Variants in IGSF9 observed in about 807,000 individuals in gnomAD.
IGSF9 encodes the protein immunoglobulin superfamily member 9, also known as protein turtle homolog A.
Under a neutral mutation model 121.7 loss-of-function variants are expected in IGSF9, and 87 were observed. The observed-to-expected ratio is 0.71, with a 90% CI of 0.60 to 0.85. IGSF9 has a LOEUF of 0.85. Ranked by LOEUF, IGSF9 falls within the 40% of genes least tolerant of loss-of-function variation. The pLI, the probability that IGSF9 is intolerant of heterozygous loss-of-function variation, is 0.00. For synonymous variants in IGSF9, 640 were observed against 648.4 expected, an observed-to-expected ratio of 0.99 and a Z score of 0.20; for missense variants, 1,462 against 1,565.3, an observed-to-expected ratio of 0.93 and a Z score of 1.11.
At chr1:159,933,254 T>G (rs1557933617) in intron 9 of IGSF9, 1 of 152,694 alleles carries the variant, frequency 6.5e-6, no homozygotes, top group Non-Finnish European at 1.5e-5. Flanking sequence ...TACATTCCAC[T>G]GGGCAAGCTC....
intron 1 of IGSF9, among the ~76,000 whole-genome samples, chr1:159,944,354 G>A (rs1411123152): frequency 6.6e-6 from 1 of 152,144 alleles, no homozygotes; most frequent in African/African-American, 2.4e-5. Flanking sequence ...TCCCCCACCT[G>A]CCAGTATGGG....
At position 159,927,333 on chromosome 1, in the gene IGSF9, C is replaced by T. The variant is rs749267418; in HGVS notation, c.*12G>A. ...GTCCATATGCCTTTTCACAGCCTCA[C>T]ATCAGGGATGTTCACAGCAGAGTGG... On this transcript the variant is annotated 3_prime_UTR_variant, in exon 21 of 21. Transcript: ENST00000368094. 1.5e-5 allele frequency: 25 copies of T among 1,613,224 alleles called. No homozygotes were observed. The highest frequency in any genetic ancestry group is 2.2e-5 in the South Asian group (2 of 91,056).
rs757839323 is a variant in IGSF9 at position 159,928,983 on chromosome 1, G to A, written c.2405C>T (p.Ala802Val). ...TGGGGATCCCTGGAGCTTCAGCTTC[G>A]CCACGCTGTCAGGACTGCCTGAGCC... The part of the protein sequence containing the change: ...ALGSGSPDSV[A>V]KLKLQGSPVP... Residue 802 changes from alanine to valine, a missense_variant, in exon 19 of 21, where the codon GCG becomes GTG. This residue lies in a region of IGSF9 where 808 missense variants were observed against 815.2 expected (regional missense o/e 0.99). Coordinates refer to ENST00000368094, the MANE Select transcript of IGSF9 (RefSeq NM_001135050.2). The A allele has an allele frequency of 3.3e-6, 5 of 1,518,526 alleles. No individual in the cohort carries two copies. The East Asian group carries it at 9.2e-5, about 28-fold the overall frequency. 94.1% of individuals were successfully genotyped at this position (1,518,526 alleles called of 1,614,324 possible). A position where few individuals can be genotyped will look rare whatever the true frequency, so the allele number is the denominator to read the frequency against.
rs1459947391 is a variant in IGSF9 at position 159,932,835 on chromosome 1, C to T, written c.1105-183G>A. The T allele has an allele frequency of 3.3e-6, 2 of 604,538 alleles. No homozygotes were observed. Among genetic ancestry groups the T allele is most frequent in the Non-Finnish European group, 5.7e-6 (2 of 352,788 alleles). 37.4% of individuals were successfully genotyped at this position (604,538 alleles called of 1,614,324 possible). On this transcript the variant is annotated intron_variant, in intron 9 of 20. Coordinates refer to ENST00000368094, the MANE Select transcript of IGSF9 (RefSeq NM_001135050.2). The surrounding 1 kb of genome is among the most constrained non-coding windows in gnomAD (Gnocchi z 4.1). ...TTCCTTTCCTTCCTGCAGAGGGACC[C>T]CTCCCAATAGTGTGAGGCTGTGACT...
At position 159,930,772 on chromosome 1, in the gene IGSF9, G is replaced by T. The variant is rs1650967251; in HGVS notation, c.1733C>A (p.Thr578Asn). ...HLLVPGLQPH[T>N]QYQFSVLAQN... ...AGCTAGCACGCTGAACTGGTACTGG[G>T]TGTGGGGCTGCAGCCCTGGCACTAG... Residue 578 changes from threonine (T) to asparagine (N), a missense_variant, in exon 14 of 21, where the codon ACC (threonine) becomes AAC (asparagine). By Grantham distance (65) the Thr-to-Asn change is moderately conservative. Transcript: ENST00000368094. 2 of 1,614,136 alleles carry T rather than the reference G, an allele frequency of 1.2e-6. No individual in the cohort carries two copies. The highest frequency in any genetic ancestry group is 1.7e-4 in the Middle Eastern group (1 of 6,060).
At position 159,937,669 on chromosome 1, in the gene IGSF9, G is replaced by A; in HGVS notation, c.400+17C>T. 1 of 1,603,682 alleles carries A rather than the reference G, an allele frequency of 6.2e-7. No individual in the cohort carries two copies. The highest frequency in any genetic ancestry group is 8.5e-7 in the Non-Finnish European group (1 of 1,171,388). On this transcript the variant is annotated intron_variant, in intron 4 of 20. Transcript: ENST00000368094. ...TCCTCCCCGTCCTTCTCCACCACCT[G>A]CCCCCCAGCTTCATACAATTGACTG...
Position 159,931,727 on chromosome 1 carries a change from C to G in IGSF9, c.1362+85G>C. The G allele has an allele frequency of 6.8e-7, 1 of 1,471,722 alleles. No individual in the cohort carries two copies. The highest frequency in any genetic ancestry group is 9.3e-7 in the Non-Finnish European group (1 of 1,076,214). The allele number at this position is 1,471,722 out of a possible 1,614,324, so 91.2% of individuals were successfully genotyped here. On this transcript the variant is annotated intron_variant, in intron 11 of 20. Coordinates refer to ENST00000368094, the MANE Select transcript of IGSF9 (RefSeq NM_001135050.2). This position sits in a 1 kb window ranked among gnomAD's most constrained non-coding sequence, Gnocchi z 4.8. ...CTCTGACAGCCTTCTCCTTCCCACA[C>G]CCTCCCTCCCACAAAATGGCTGGGG...
intron 1 of IGSF9, among the ~76,000 whole-genome samples, chr1:159,944,424 TC>T (rs1213731233): frequency 6.6e-6 from 1 of 151,862 alleles, no homozygotes; most frequent in Non-Finnish European, 1.5e-5. Flanking sequence ...TGGCGCCACT[TC>T]CTCACGATAC....
rs1650935564 is a variant in IGSF9 at position 159,930,080 on chromosome 1, C to T, written c.2065-105G>A. ...CGTGGGACGGAAGGGTGAGGTAGGA[C>T]GCAGAGGTGAAGAGCTCAAATCAAG... On this transcript the variant is annotated intron_variant, in intron 15 of 20. Transcript: ENST00000368094. The T allele has an allele frequency of 7.8e-6, 12 of 1,547,740 alleles. No individual in the cohort carries two copies. The South Asian group carries it at 8.3e-5, about 11-fold the overall frequency.
intron 5 of IGSF9, 34 bp downstream of exon 5, chr1:159,936,720 T>C (rs1394299957): frequency 2.0e-5 from 32 of 1,611,912 alleles, no homozygotes; most frequent in Non-Finnish European, 2.7e-5. Flanking sequence ...CTTCACACTC[T>C]ATATGGCTCA....
Position 159,928,629 on chromosome 1 carries a change from G to A in IGSF9, c.2759C>T (p.Pro920Leu). 1 of 1,489,112 alleles carries A rather than the reference G, an allele frequency of 6.7e-7. No individual in the cohort carries two copies. Among genetic ancestry groups the A allele is most frequent in the Non-Finnish European group, 8.9e-7 (1 of 1,118,260 alleles). 92.2% of individuals were successfully genotyped at this position (1,489,112 alleles called of 1,614,324 possible). The change falls in exon 19 of 21, where the codon CCT becomes CTT. Residue 920 changes from proline to leucine, a missense_variant. Transcript: ENST00000368094. ...GCTCAGGTACTGGAGCAGGGGTCCA[G>A]GACCTGGCAAGGGACTGGGTGGGGC... ...PAAPPSPLPGPGPLLQYLSLP... is the reference protein window; with the variant it reads ...PAAPPSPLPGLGPLLQYLSLP...
chr1:159,939,840 C>T (rs771276316), intron 3 of IGSF9, among the ~76,000 whole-genome samples: 1 of 152,104 alleles, frequency 6.6e-6, no homozygotes. Flanking sequence ...ATCCCCACCC[C>T]GGAGATAAGA....
At chr1:159,943,341 C>T in intron 2 of IGSF9, 56 bp downstream of exon 2, 1 of 1,478,880 alleles carries the variant, frequency 6.8e-7, no homozygotes, top group Non-Finnish European at 9.0e-7. Context: ...TGAGGAACAC[C>T]CCCATACCCA....
chr1:159,936,576 C>T, intron 5 of IGSF9, 60 bp from the exon 6 acceptor site: 1 of 1,565,920 alleles, frequency 6.4e-7, no homozygotes, highest in Non-Finnish European at 8.7e-7. Context: ...TCCTGCACTT[C>T]CGAGTTTGGC....
chr1:159,934,872 A>G (rs1336805231), intron 6 of IGSF9, 50 bp from the exon 7 acceptor site: 1 of 1,608,136 alleles, frequency 6.2e-7, no homozygotes, highest in African/African-American at 1.3e-5. Flanking sequence ...CAGTCTTCCC[A>G]GAACCCTGAG....
intron 3 of IGSF9, among the ~76,000 whole-genome samples, chr1:159,942,449 A>G (rs1210137822): frequency 1.3e-5 from 2 of 152,120 alleles, no homozygotes; most frequent in Admixed American, 1.3e-4. Flanking sequence ...GAGAGGTCAC[A>G]GCCGCACCTA....
rs1650846733 is a variant in IGSF9, at chr1:159,928,680, A to G, written c.2708T>C (p.Ile903Thr). ...GAPQPLCIEDISPVAPPPAAP... is the reference protein window; with the variant it reads ...GAPQPLCIEDTSPVAPPPAAP... Reference sequence around the variant, plus strand: ...TGCTGGAGGGGGTGCCACAGGGCTGATGTCTTCAATGCAGAGGGGCTGGGG... The same window carrying G: ...TGCTGGAGGGGGTGCCACAGGGCTGGTGTCTTCAATGCAGAGGGGCTGGGG... Residue 903 changes from isoleucine to threonine, a missense_variant, in exon 19 of 21, where the codon ATC (isoleucine) becomes ACC (threonine). Physicochemically the swap from Ile to Thr is moderately conservative, Grantham distance 89. This residue lies in a region of IGSF9 where 808 missense variants were observed against 815.2 expected (regional missense o/e 0.99). Coordinates refer to ENST00000368094, the MANE Select transcript of IGSF9 (RefSeq NM_001135050.2). 1 of 1,478,940 alleles carries G rather than the reference A, an allele frequency of 6.8e-7. No homozygotes were observed. The highest frequency in any genetic ancestry group is 9.0e-7 in the Non-Finnish European group (1 of 1,113,144). The allele number at this position is 1,478,940 out of a possible 1,614,324, so 91.6% of individuals were successfully genotyped here.
At position 159,931,413 on chromosome 1, in the gene IGSF9, T is replaced by C; in HGVS notation, c.1513+40A>G. On this transcript the variant is annotated intron_variant, in intron 12 of 20. Coordinates refer to ENST00000368094, the MANE Select transcript of IGSF9 (RefSeq NM_001135050.2). This position sits in a 1 kb window ranked among gnomAD's most constrained non-coding sequence, Gnocchi z 4.8. The stretch of plus-strand genomic sequence containing the variant: ...TGGGCCTCCAAAAACGATTCCCAAG[T>C]AGTTTCTCCCAGCCCCTGGCCCTCT... 6.2e-7 allele frequency: 1 copy of C among 1,603,048 alleles called. No individual in the cohort carries two copies. The highest frequency in any genetic ancestry group is 1.1e-5 in the South Asian group (1 of 90,478).
Position 159,931,415 on chromosome 1 carries a change from G to C in IGSF9, c.1513+38C>G, listed in dbSNP as rs768466138. The C allele has an allele frequency of 1.2e-6, 2 of 1,603,442 alleles. No individual in the cohort carries two copies. Among genetic ancestry groups the C allele is most frequent in the South Asian group, 2.2e-5 (2 of 90,548 alleles). ...GGCCTCCAAAAACGATTCCCAAGTA[G>C]TTTCTCCCAGCCCCTGGCCCTCTCT... On this transcript the variant is annotated intron_variant, in intron 12 of 20. Coordinates refer to ENST00000368094, the MANE Select transcript of IGSF9 (RefSeq NM_001135050.2). This position sits in a 1 kb window ranked among gnomAD's most constrained non-coding sequence, Gnocchi z 4.8.
Sources: allele counts gnomAD v4.1 joint callset (sites outside exome capture counted in the v4.1 genomes callset), GRCh38; gene constraint gnomAD v4.1.1; regional missense constraint gnomAD v4.1.1; non-coding constraint Gnocchi (gnomAD v3.1); transcripts MANE v1.5; gene names NCBI Gene and HGNC (gene_info 2026-07-23, HGNC 2026-07-21).